Variants in CRLF3 observed in about 807,000 individuals in gnomAD.
The protein encoded by CRLF3 is cytokine receptor like factor 3.
Under a neutral mutation model 55.0 loss-of-function variants are expected in CRLF3, and 33 were observed. That is an observed-to-expected ratio of 0.60 (90% CI 0.46 to 0.80). CRLF3 has a LOEUF of 0.80. CRLF3 is among the 30% of genes least tolerant of loss of function. The pLI is 0.00. For synonymous variants in CRLF3, 238 were observed against 196.8 expected (o/e 1.21, Z -1.75); for missense variants, 494 against 538.4 (o/e 0.92, Z 0.82).
At chr17:30,812,119 T>A (rs531106785) in intron 1 of CRLF3, among the ~76,000 whole-genome samples, 19 of 150,300 alleles carry the variant, frequency 1.3e-4, no homozygotes, top group East Asian at 3.9e-4. Context: ...AAAAAAAAAA[T>A]AAAAATAAAA....
In CRLF3 at chr17:30,786,044, T is replaced by G. The variant is rs780759344; in HGVS notation, c.960-13A>C. The G allele has an allele frequency of 2.9e-6, 4 of 1,400,362 alleles. No individual in the cohort carries two copies. In the East Asian group the frequency reaches 9.1e-5, roughly 32 times the overall value. 86.7% of individuals were successfully genotyped at this position (1,400,362 alleles called of 1,614,324 possible). A position where few individuals can be genotyped will look rare whatever the true frequency, so the allele number is the denominator to read the frequency against. On this transcript the variant is annotated splice_polypyrimidine_tract_variant and intron_variant, in intron 6 of 7. Coordinates refer to ENST00000324238, the MANE Select transcript of CRLF3 (RefSeq NM_015986.4). The stretch of plus-strand genomic sequence containing the variant: ...CACAGTTTCAACTCTGTAAATGAAG[T>G]AGAAAGGTCATTTCATACTTTTAAA...
chr17:30,804,345 G>A (rs1316890860), intron 1 of CRLF3, among the ~76,000 whole-genome samples: 1 of 152,048 alleles, frequency 6.6e-6, no homozygotes, highest in Non-Finnish European at 1.5e-5. Context: ...CTCTGTGTGT[G>A]GTGAGAACAC....
At chr17:30,795,125 T>A (rs1297449569) in intron 4 of CRLF3, among the ~76,000 whole-genome samples, 1 of 152,028 alleles carries the variant, frequency 6.6e-6, no homozygotes, top group Non-Finnish European at 1.5e-5. Context: ...AAAAATGGAA[T>A]GACAGTCCTG....
chr17:30,811,080 C>A (rs1361490510), intron 1 of CRLF3, among the ~76,000 whole-genome samples: 1 of 152,030 alleles, frequency 6.6e-6, no homozygotes, highest in African/African-American at 2.4e-5. Context: ...CAAAGTGAGA[C>A]CCTGCCTCAA....
At chr17:30,789,983 G>A (rs779383262) in intron 6 of CRLF3, among the ~76,000 whole-genome samples, 1 of 151,800 alleles carries the variant, frequency 6.6e-6, no homozygotes, top group African/African-American at 2.4e-5. Context: ...ATAGATTTTA[G>A]GTATTAGTTG....
intron 6 of CRLF3, among the ~76,000 whole-genome samples, chr17:30,791,541 G>A (rs998205455): frequency 4.2e-5 from 6 of 141,772 alleles, no homozygotes; most frequent in African/African-American, 8.0e-5. Context: ...TTTTTGAAAC[G>A]GAGTCTTGCT....
intron 1 of CRLF3, among the ~76,000 whole-genome samples, chr17:30,811,298 C>T (rs1302159551): frequency 2.7e-5 from 4 of 150,556 alleles, no homozygotes; most frequent in African/African-American, 9.8e-5. Context: ...CTGCTAAAAA[C>T]ACAAAAATTA....
intron 4 of CRLF3, among the ~76,000 whole-genome samples, chr17:30,794,569 G>A (rs989159091): frequency 5.9e-5 from 9 of 152,100 alleles, no homozygotes; most frequent in South Asian, 2.1e-4. Context: ...AGGCCGAAGC[G>A]GGTGGAGCAC....
At chr17:30,814,611 C>T (rs950349370) in intron 1 of CRLF3, among the ~76,000 whole-genome samples, 4 of 146,858 alleles carry the variant, frequency 2.7e-5, no homozygotes, top group African/African-American at 5.0e-5. Context: ...GAGCTGAGAT[C>T]GTGCCACTGC....
At chr17:30,821,169 T>C (rs2142277527) in intron 1 of CRLF3, among the ~76,000 whole-genome samples, 1 of 151,244 alleles carries the variant, frequency 6.6e-6, no homozygotes, top group South Asian at 2.1e-4. Context: ...CAAAACCCCA[T>C]CTCTACCAAA....
intron 6 of CRLF3, among the ~76,000 whole-genome samples, chr17:30,788,031 A>G (rs1327999789): frequency 1.3e-5 from 2 of 151,198 alleles, no homozygotes; most frequent in African/African-American, 2.4e-5. Flanking sequence ...TGGGGAGGGG[A>G]ATGAGAAAGA....
intron 1 of CRLF3, among the ~76,000 whole-genome samples, chr17:30,816,351 A>C (rs539559619): frequency 2.8e-4 from 43 of 152,160 alleles, no homozygotes; most frequent in African/African-American, 9.9e-4. Flanking sequence ...AACCAATGTA[A>C]ATATGTGGTC....
intron 1 of CRLF3, among the ~76,000 whole-genome samples, chr17:30,822,273 C>G (rs1217693099): frequency 2.6e-5 from 4 of 152,096 alleles, no homozygotes; most frequent in Admixed American, 6.6e-5. Flanking sequence ...ACAAAAGCAG[C>G]TGCTTACTTT....
intron 1 of CRLF3, among the ~76,000 whole-genome samples, chr17:30,813,766 C>A (rs1174524614): frequency 6.8e-6 from 1 of 147,182 alleles, no homozygotes; most frequent in Non-Finnish European, 1.5e-5. Context: ...CCTCCCCACA[C>A]CCAGTGCTAA....
chr17:30,808,690 T>C (rs1904513403), intron 1 of CRLF3, among the ~76,000 whole-genome samples: 1 of 152,034 alleles, frequency 6.6e-6, no homozygotes, highest in Non-Finnish European at 1.5e-5. Context: ...CCTCCCAGGT[T>C]CAAGCAGTTC....
intron 6 of CRLF3, among the ~76,000 whole-genome samples, chr17:30,788,515 A>T (rs1200441096): frequency 1.3e-5 from 2 of 151,516 alleles, no homozygotes; most frequent in East Asian, 3.9e-4. Context: ...AGCCAGTATC[A>T]CAGGTTTCTC....
chr17:30,806,287 CCCT>C (rs1904401821), intron 1 of CRLF3, among the ~76,000 whole-genome samples: 3 of 152,134 alleles, frequency 2.0e-5, no homozygotes, highest in Non-Finnish European at 4.4e-5. Context: ...ATAATCTATA[CCCT>C]AAAAAATTAT....
chr17:30,786,090 T>G (rs1029018816), intron 6 of CRLF3, 59 bp from the exon 7 acceptor site: 164 of 901,826 alleles, frequency 1.8e-4, no homozygotes, highest in Non-Finnish European at 2.5e-4. Flanking sequence ...GAATGATACT[T>G]AACAGCCACT....
At chr17:30,797,526 T>A in intron 2 of CRLF3, 128 bp from the exon 3 acceptor site, 1 of 703,594 alleles carries the variant, frequency 1.4e-6, no homozygotes, top group South Asian at 1.6e-5. Context: ...ACAGTCAAAT[T>A]CCCAAAAAGT....
Sources: allele counts gnomAD v4.1 joint callset (sites outside exome capture counted in the v4.1 genomes callset), GRCh38; gene constraint gnomAD v4.1.1; transcripts MANE v1.5; gene names NCBI Gene and HGNC (gene_info 2026-07-23, HGNC 2026-07-21).